Variants in UTS2B observed in about 807,000 individuals in gnomAD.
UTS2B encodes urotensin-2B.
UTS2B carries 21 observed loss-of-function variants against 19.2 expected under a neutral mutation model. That is an observed-to-expected ratio of 1.09 (90% confidence interval 0.78 to 1.58). The LOEUF (loss-of-function observed/expected upper bound fraction) is 1.58, where lower values mean the gene tolerates loss of function less well. Among genes scored for constraint, UTS2B ranks in the 40% most tolerant of loss-of-function variants. The pLI is 0.00. For missense variants in UTS2B, 138 were observed against 130.3 expected (o/e 1.06, Z -0.29); for synonymous variants, 57 against 50.2 (o/e 1.14, Z -0.58).
intron 2 of UTS2B, chr3:191,328,282 G>A (rs897474404): frequency 2.0e-5 from 3 of 152,196 alleles, no homozygotes; most frequent in African/African-American, 7.2e-5. Context: ...CTGAGGATAA[G>A]TTGAGAGTTT....
At chr3:191,304,898 C>T (rs78657175) in intron 3 of UTS2B, among the ~76,000 whole-genome samples, 3,771 of 152,238 alleles carry the variant, frequency 0.025, 115 homozygotes, top group East Asian at 0.13. Context: ...TTATTTAGCT[C>T]CCTCTTACAA....
intron 3 of UTS2B, among the ~76,000 whole-genome samples, chr3:191,313,583 G>T (rs77503310): frequency 0.04 from 6,101 of 152,258 alleles, 142 homozygotes; most frequent in African/African-American, 0.067. Flanking sequence ...GTCAAAGCTA[G>T]TTCTCTTTAA....
intron 1 of UTS2B, chr3:191,329,415 G>A (rs1717860697): frequency 2.3e-6 from 1 of 428,448 alleles, no homozygotes; most frequent in Non-Finnish European, 4.1e-6. Flanking sequence ...CCGGATATTT[G>A]GTATCGATTG....
At chr3:191,286,344 C>A (rs1010304909) in intron 4 of UTS2B, among the ~76,000 whole-genome samples, 3 of 152,044 alleles carry the variant, frequency 2.0e-5, no homozygotes, top group Admixed American at 1.3e-4. Context: ...CAGGTGCATG[C>A]CAAATATTCT....
At chr3:191,324,927 G>A (rs1717705439) in intron 2 of UTS2B, among the ~76,000 whole-genome samples, 1 of 152,134 alleles carries the variant, frequency 6.6e-6, no homozygotes, top group African/African-American at 2.4e-5. Flanking sequence ...GTACACTCTT[G>A]TAATCCCAGC....
the UTS2B span, among the ~76,000 whole-genome samples, chr3:191,339,597 C>T: frequency 1.3e-5 from 2 of 152,150 alleles, no homozygotes; most frequent in Admixed American, 6.5e-5. Flanking sequence ...ATTTAGAACG[C>T]GTTGCAGATG....
the UTS2B span, among the ~76,000 whole-genome samples, chr3:191,336,926 G>A: frequency 1.3e-5 from 2 of 152,132 alleles, no homozygotes; most frequent in African/African-American, 2.4e-5. Context: ...TGTATAGCAA[G>A]GTAGCTCAGG....
chr3:191,326,213 ATATT>A (rs973881445), intron 2 of UTS2B, among the ~76,000 whole-genome samples: 9 of 152,192 alleles, frequency 5.9e-5, no homozygotes, highest in African/African-American at 1.7e-4. Context: ...TTGGATAACT[ATATT>A]TATTTATTTA....
At chr3:191,302,736 A>G (rs1476118866) in intron 4 of UTS2B, among the ~76,000 whole-genome samples, 1 of 152,226 alleles carries the variant, frequency 6.6e-6, no homozygotes, top group East Asian at 1.9e-4. Context: ...TGGAAGGCAA[A>G]GGTTGTAGAA....
chr3:191,279,294 C>G (rs183382940), intron 5 of UTS2B, among the ~76,000 whole-genome samples: 4 of 151,710 alleles, frequency 2.6e-5, no homozygotes, highest in Non-Finnish European at 4.4e-5. Context: ...ATTTAAAATA[C>G]CAACAGAATA....
intron 4 of UTS2B, among the ~76,000 whole-genome samples, chr3:191,283,024 T>C (rs773014340): frequency 1.1e-4 from 16 of 152,202 alleles, no homozygotes; most frequent in Non-Finnish European, 2.2e-4. Flanking sequence ...ACCTCCGATC[T>C]TGGCATTTAC....
At chr3:191,268,729 T>C (rs908801914) in intron 8 of UTS2B, among the ~76,000 whole-genome samples, 9 of 152,234 alleles carry the variant, frequency 5.9e-5, no homozygotes, top group Non-Finnish European at 1.0e-4. Flanking sequence ...GAAAATTCTA[T>C]TGGACAACAC....
At chr3:191,329,390 G>A (rs1717858590) in intron 1 of UTS2B, 8 of 401,726 alleles carry the variant, frequency 2.0e-5, no homozygotes, top group African/African-American at 2.1e-5. Context: ...GACGGCCCCG[G>A]TCCATTTCCG....
At chr3:191,331,078 G>GA (rs1244888238), upstream of UTS2B, among the ~76,000 whole-genome samples, 1 of 152,170 alleles carries the variant, frequency 6.6e-6, no homozygotes, top group Admixed American at 6.5e-5. Flanking sequence ...CCATACTTTT[G>GA]AGAGTTCTTA....
intron 2 of UTS2B, among the ~76,000 whole-genome samples, chr3:191,321,927 T>C (rs1029926749): frequency 5.9e-5 from 9 of 152,090 alleles, no homozygotes; most frequent in Admixed American, 2.0e-4. Context: ...TTCGGGAGGC[T>C]GAGGCAGGAG....
At chr3:191,300,003 T>A (rs943712654) in intron 4 of UTS2B, among the ~76,000 whole-genome samples, 1 of 152,208 alleles carries the variant, frequency 6.6e-6, no homozygotes, top group African/African-American at 2.4e-5. Context: ...ATGGTGCCTG[T>A]AGCCCCTTTC....
At chr3:191,271,651 T>C (rs907796068) in intron 8 of UTS2B, among the ~76,000 whole-genome samples, 1 of 152,218 alleles carries the variant, frequency 6.6e-6, no homozygotes, top group Admixed American at 6.5e-5. Context: ...CCTCATCTGC[T>C]CAGTTTCTTC....
rs924361872 is a variant in UTS2B at position 191,267,672 on chromosome 3, G to T, written c.*744C>A. ...AGCAAGGGCAGGGGTAGGTTAATGA[G>T]GGATTTAGGGTCATTTGATTATGAG... On this transcript the variant is annotated 3_prime_UTR_variant, in exon 9 of 9. Transcript: ENST00000340524. The T allele has an allele frequency of 1.3e-5, 2 of 152,230 alleles. No homozygotes were observed. Among genetic ancestry groups the T allele is most frequent in the African/African-American group, 4.8e-5 (2 of 41,452 alleles). 9.4% of individuals were successfully genotyped at this position (152,230 alleles called of 1,614,324 possible).
intron 2 of UTS2B, among the ~76,000 whole-genome samples, chr3:191,327,951 TA>T (rs1444131503): frequency 6.6e-6 from 1 of 152,214 alleles, no homozygotes; most frequent in Non-Finnish European, 1.5e-5. Flanking sequence ...CTGGGGTGGG[TA>T]AACTTTTCCT....
Sources: allele counts gnomAD v4.1 joint callset (sites outside exome capture counted in the v4.1 genomes callset), GRCh38; gene constraint gnomAD v4.1.1; transcripts MANE v1.5; gene names NCBI Gene and HGNC (gene_info 2026-07-23, HGNC 2026-07-21).